Variants in FBLN1 observed in about 807,000 individuals in gnomAD.
FBLN1 encodes fibulin-1.
In FBLN1, 34 loss-of-function variants were observed where a neutral mutation model predicts 89.7. The observed-to-expected ratio is 0.38, with a 90% CI of 0.29 to 0.50. The LOEUF (loss-of-function observed/expected upper bound fraction) is 0.50. FBLN1 is among the 20% of genes least tolerant of loss of function. The pLI is 0.92. For missense variants in FBLN1, 777 were observed against 988.1 expected (o/e 0.79, Z 2.86); for synonymous variants, 393 against 391.3 (o/e 1.00, Z -0.05).
chr22:45,563,327 C>T lies in FBLN1; in HGVS notation c.1698-11184C>T, dbSNP rs947865448. ...GCTTTCCTAACCCTGCCCTCCGGGG[C>T]GTTAATAAAGTCTTAGCAAGCGTCC... On this transcript the variant is annotated intron_variant, in intron 14 of 16. Transcript: ENST00000327858. The surrounding 1 kb of genome is among the most constrained non-coding windows in gnomAD (Gnocchi z 5.7). 6.8e-6 allele frequency: 11 copies of T among 1,609,724 alleles called. No homozygotes were observed. Among genetic ancestry groups the T allele is most frequent in the East Asian group, 4.5e-5 (2 of 44,868 alleles).
intron 16 of FBLN1, among the ~76,000 whole-genome samples, chr22:45,589,646 ACTT>A (rs2089119123): frequency 6.6e-6 from 1 of 152,102 alleles, no homozygotes; most frequent in South Asian, 2.1e-4. Flanking sequence ...TTCTCCACCA[ACTT>A]CACCTGTCCC....
chr22:45,572,581 C>T lies in FBLN1; in HGVS notation c.1698-1930C>T, dbSNP rs2088960538. ...GCACATGAAGGGAAGCATCTGTTTA[C>T]AGGAGTAGTCCAGCTAATAAATGGA... On this transcript the variant is annotated intron_variant, in intron 14 of 16. Transcript: ENST00000327858. This position sits in a 1 kb window ranked among gnomAD's most constrained non-coding sequence, Gnocchi z 5.8. Among the ~76,000 whole-genome samples, 1 of 152,246 alleles carries T rather than the reference C, an allele frequency of 6.6e-6. No individual in the cohort carries two copies. The highest frequency in any genetic ancestry group is 1.5e-5 in the Non-Finnish European group (1 of 68,040).
rs1396038570 is a variant in FBLN1, at chr22:45,572,899, A to C, written c.1698-1612A>C. On this transcript the variant is annotated intron_variant, in intron 14 of 16. Coordinates refer to ENST00000327858, the MANE Select transcript of FBLN1 (RefSeq NM_006486.3). This position sits in a 1 kb window ranked among gnomAD's most constrained non-coding sequence, Gnocchi z 5.8. ...AGCCTGTAGGAAACACAACAGCTCAAATTCTTCAGGTTCTTTAATAGATAA... is the reference window on the plus strand; with the variant it reads ...AGCCTGTAGGAAACACAACAGCTCACATTCTTCAGGTTCTTTAATAGATAA... Among the ~76,000 whole-genome samples, 1 of 152,210 alleles carries C rather than the reference A, an allele frequency of 6.6e-6. No homozygotes were observed. The highest frequency in any genetic ancestry group is 2.4e-5 in the African/African-American group (1 of 41,446).
At chr22:45,555,416 A>C (rs1297281311) in intron 14 of FBLN1, among the ~76,000 whole-genome samples, 3 of 152,062 alleles carry the variant, frequency 2.0e-5, no homozygotes, top group Non-Finnish European at 4.4e-5. Context: ...TCTGAGTCCC[A>C]AAAATGAAGA....
At chr22:45,524,268 G>T (rs1488059920) in intron 2 of FBLN1, among the ~76,000 whole-genome samples, 1 of 152,228 alleles carries the variant, frequency 6.6e-6, no homozygotes, top group Admixed American at 6.5e-5. Flanking sequence ...GAGTTGGGTG[G>T]CTCTTCCTGC....
chr22:45,594,696 A>AGATGGATGGATGGATG lies in FBLN1; in HGVS notation c.1973-5591_1973-5576dup, dbSNP rs201180295. Among the ~76,000 whole-genome samples the AGATGGATGGATGGATG allele has an allele frequency of 3.2e-3, 464 of 143,088 alleles. 4 individuals carry two copies. Among genetic ancestry groups the AGATGGATGGATGGATG allele is most frequent in the African/African-American group, 0.01 (380 of 37,934 alleles). The allele number at this position is 143,088 out of a possible 152,430, so 93.9% of individuals were successfully genotyped here. The stretch of plus-strand genomic sequence containing the variant: ...TAGGTGAGTGGATGGATTGGTGGAT[A>AGATGGATGGATGGATG]GATGGATGGATGGATGGATGGATGG... On this transcript the variant is annotated intron_variant, in intron 16 of 16. Transcript: ENST00000327858.
chr22:45,523,040 G>A, intron 2 of FBLN1: 1 of 658,708 alleles, frequency 1.5e-6, no homozygotes, highest in Non-Finnish European at 2.9e-6. Context: ...GTGCCGTGGG[G>A]GAAACAGGGA....
In FBLN1 at chr22:45,503,049, C is replaced by T. The variant is rs1451369424; in HGVS notation, c.64C>T (p.Leu22=). 3 of 1,249,048 alleles carry T rather than the reference C, an allele frequency of 2.4e-6. No individual in the cohort carries two copies. The highest frequency in any genetic ancestry group is 3.0e-6 in the Non-Finnish European group (3 of 997,220). 77.4% of individuals were successfully genotyped at this position (1,249,048 alleles called of 1,614,324 possible). A position where few individuals can be genotyped will look rare whatever the true frequency, so the allele number is the denominator to read the frequency against. ...LPLLLLGGLA[L]LAAGVDADVL... is the part of the protein sequence containing the mutation. ...GCTGCTGCTGCTCGGCGGCCTTGCG[C>T]TGCTGGCGGCCGGAGGTAGGGGCGT... Residue 22 remains leucine, a synonymous_variant, in exon 1 of 17, where the codon CTG becomes TTG. Transcript: ENST00000327858.
chr22:45,565,411 C>A, intron 14 of FBLN1: 1 of 598,998 alleles, frequency 1.7e-6, no homozygotes, highest in Non-Finnish European at 2.5e-6. Context: ...AATCTGCCTT[C>A]TTGTGGCTTT....
intron 2 of FBLN1, among the ~76,000 whole-genome samples, chr22:45,519,348 CGGT>C (rs2088216215): frequency 6.6e-6 from 1 of 152,094 alleles, no homozygotes; most frequent in African/African-American, 2.4e-5. Flanking sequence ...AAGCCGGGCG[CGGT>C]GGCTCACGCC....
chr22:45,522,640 T>C (rs1196328551), intron 2 of FBLN1, among the ~76,000 whole-genome samples: 2 of 152,326 alleles, frequency 1.3e-5, no homozygotes, highest in South Asian at 4.1e-4. Context: ...GATGGCAGCT[T>C]TGATGTTTTC....
chr22:45,594,638 GTGGGTGAATGGA>G (rs1475765351), intron 16 of FBLN1, among the ~76,000 whole-genome samples: 1 of 151,922 alleles, frequency 6.6e-6, no homozygotes, highest in Non-Finnish European at 1.5e-5. Flanking sequence ...GGGTTGATTG[GTGGGTGAATGGA>G]TGGATGGTTG....
At chr22:45,569,279 G>C (rs543488620) in intron 14 of FBLN1, among the ~76,000 whole-genome samples, 2 of 152,126 alleles carry the variant, frequency 1.3e-5, no homozygotes, top group Admixed American at 1.3e-4. Context: ...CACATTCAAC[G>C]AGGTAATTAA....
In FBLN1 at chr22:45,572,367, A is replaced by G. The variant is rs2088959188; in HGVS notation, c.1698-2144A>G. On this transcript the variant is annotated intron_variant, in intron 14 of 16. Transcript: ENST00000327858. The surrounding 1 kb of genome is among the most constrained non-coding windows in gnomAD (Gnocchi z 5.8). ...GATGGGAAAATTTGAGTTTCAACAA[A>G]GGATAAAAATTGCAGAGGATCAAAC... Among the ~76,000 whole-genome samples the G allele has an allele frequency of 6.6e-6, 1 of 152,192 alleles. No individual in the cohort carries two copies. The highest frequency in any genetic ancestry group is 2.4e-5 in the African/African-American group (1 of 41,438).
chr22:45,546,740 A>T (rs932754132), intron 11 of FBLN1, among the ~76,000 whole-genome samples: 6 of 152,184 alleles, frequency 3.9e-5, no homozygotes, highest in Non-Finnish European at 8.8e-5. Context: ...TTAGGATGCC[A>T]TCTTGGAGGT....
intron 14 of FBLN1, among the ~76,000 whole-genome samples, chr22:45,554,074 C>T (rs1010449340): frequency 6.6e-6 from 1 of 152,212 alleles, no homozygotes; most frequent in African/African-American, 2.4e-5. Flanking sequence ...CAAGCTTGCC[C>T]CTTACGACAC....
chr22:45,550,177 T>C lies in FBLN1; in HGVS notation c.1574-315T>C, dbSNP rs74734218. Reference sequence around the variant, plus strand: ...GAGGATCATAACAGTATCTGCCTCATTGAGTTCTTAGGAGGATTCAGTGAC... The same window carrying C: ...GAGGATCATAACAGTATCTGCCTCACTGAGTTCTTAGGAGGATTCAGTGAC... On this transcript the variant is annotated intron_variant, in intron 13 of 16. Coordinates refer to ENST00000327858, the MANE Select transcript of FBLN1 (RefSeq NM_006486.3). The surrounding 1 kb of genome is among the most constrained non-coding windows in gnomAD (Gnocchi z 8.4). 4.3e-4 allele frequency among the ~76,000 whole-genome samples: 65 copies of C among 152,268 alleles called. No individual in the cohort carries two copies. Among genetic ancestry groups the C allele is most frequent in the Middle Eastern group, 3.4e-3 (1 of 294 alleles).
At position 45,574,942 on chromosome 22, in the gene FBLN1, T is replaced by C. The variant is rs978645408; in HGVS notation, c.1840+289T>C. Among the ~76,000 whole-genome samples, 5 of 151,988 alleles carry C rather than the reference T, an allele frequency of 3.3e-5. No homozygotes were observed. Among genetic ancestry groups the C allele is most frequent in the Non-Finnish European group, 7.4e-5 (5 of 67,992 alleles). The stretch of plus-strand genomic sequence containing the variant: ...GACTACAGGCGCCCGCCACCACGCC[T>C]GGCTAATCTTTTTGTATTTTTAGTA... On this transcript the variant is annotated intron_variant, in intron 15 of 16. Transcript: ENST00000327858. The surrounding 1 kb of genome is among the most constrained non-coding windows in gnomAD (Gnocchi z 4.1).
At chr22:45,540,420 T>C (rs899668674) in intron 8 of FBLN1, among the ~76,000 whole-genome samples, 24 of 152,186 alleles carry the variant, frequency 1.6e-4, no homozygotes, top group African/African-American at 5.3e-4. Context: ...AGGGTGGACT[T>C]GGCTGGCAGG....
Sources: allele counts gnomAD v4.1 joint callset (sites outside exome capture counted in the v4.1 genomes callset), GRCh38; gene constraint gnomAD v4.1.1; non-coding constraint Gnocchi (gnomAD v3.1); transcripts MANE v1.5; gene names NCBI Gene and HGNC (gene_info 2026-07-23, HGNC 2026-07-21).